Variants in TMEM45A observed in about 807,000 individuals in gnomAD.
TMEM45A encodes the protein DNA polymerase-transactivated protein 4.
TMEM45A carries 25 observed loss-of-function variants against 32.0 expected under a neutral mutation model. The ratio of observed to expected loss-of-function variants is 0.78; its 90% CI spans 0.57 to 1.09. The LOEUF is 1.09. TMEM45A is among the 50% of genes least tolerant of loss of function. TMEM45A has a pLI of 0.00. For missense variants in TMEM45A, 302 were observed against 325.0 expected, an observed-to-expected ratio of 0.93 and a Z score of 0.54; for synonymous variants, 122 against 114.8, an observed-to-expected ratio of 1.06 and a Z score of -0.40.
chr3:100,539,443 G>GCA (rs1369452665), intron 1 of TMEM45A, among the ~76,000 whole-genome samples: 8,595 of 97,716 alleles, frequency 0.088, 980 homozygotes, highest in African/African-American at 0.28. Context: ...ATATGTATAT[G>GCA]TATATGTATA....
intron 1 of TMEM45A, among the ~76,000 whole-genome samples, chr3:100,539,462 T>TATATGCATATGC (rs1553682684): frequency 9.4e-6 from 1 of 106,334 alleles, no homozygotes. Flanking sequence ...TATGTATATG[T>TATATGCATATGC]ATATGTATAT....
intron 1 of TMEM45A, among the ~76,000 whole-genome samples, chr3:100,496,527 G>A (rs1416656181): frequency 6.6e-6 from 1 of 152,216 alleles, no homozygotes; most frequent in Non-Finnish European, 1.5e-5. Flanking sequence ...GCTGCTCTTC[G>A]TGTTTGTGGT....
intron 5 of TMEM45A, chr3:100,572,999 T>C (rs1706601673): frequency 6.6e-6 from 1 of 151,860 alleles, no homozygotes; most frequent in African/African-American, 2.4e-5. Flanking sequence ...TTTTGGTGAC[T>C]GTAGCCTTGT....
At chr3:100,564,092 T>C (rs1036100308) in intron 4 of TMEM45A, among the ~76,000 whole-genome samples, 4 of 152,224 alleles carry the variant, frequency 2.6e-5, no homozygotes, top group African/African-American at 9.6e-5. Flanking sequence ...TTAATTTTCC[T>C]GTTTCTAAAA....
rs775367951 is a variant in TMEM45A at position 100,576,925 on chromosome 3, G to T, written c.735G>T (p.Trp245Cys). 5.6e-6 allele frequency: 9 copies of T among 1,609,920 alleles called. No homozygotes were observed. The highest frequency in any genetic ancestry group is 1.6e-4 in the Middle Eastern group (1 of 6,066). ...TTGAGATGCTTTTCTTTCTCCTCAG[G>T]TTGGTTAAATCTAGACTTAAGAGGC... is the stretch of plus-strand genomic sequence containing the variant. ...IVGMNYAFIT[W>C]LVKSRLKRLC... The change falls in exon 6 of 6, where the codon TGG becomes TGT. Residue 245 changes from tryptophan to cysteine, a missense_variant and splice_region_variant. Transcript: ENST00000323523.
intron 1 of TMEM45A, among the ~76,000 whole-genome samples, chr3:100,505,392 A>G (rs1174007922): frequency 3.3e-5 from 5 of 150,090 alleles, no homozygotes; most frequent in African/African-American, 4.9e-5. Flanking sequence ...TATTCCAATG[A>G]TTTTTGGACT....
At position 100,575,202 on chromosome 3, in the gene TMEM45A, C is replaced by G. The variant is rs1329677870; in HGVS notation, c.735-1723C>G. 2.0e-5 allele frequency among the ~76,000 whole-genome samples: 3 copies of G among 152,002 alleles called. No homozygotes were observed. The East Asian group carries it at 5.8e-4, about 29-fold the overall frequency. ...TGTTGATATGGTCACAGCACAATGC[C>G]TTTATAATAATGATGCACAGGAAAA... On this transcript the variant is annotated intron_variant, in intron 5 of 5. Coordinates refer to ENST00000323523, the MANE Select transcript of TMEM45A (RefSeq NM_018004.3).
intron 1 of TMEM45A, among the ~76,000 whole-genome samples, chr3:100,549,551 G>A (rs1275422516): frequency 6.6e-6 from 1 of 152,206 alleles, no homozygotes; most frequent in Non-Finnish European, 1.5e-5. Context: ...GGACAGGGAG[G>A]CTGGAGGTTC....
At chr3:100,512,850 T>C (rs2148938461) in intron 1 of TMEM45A, among the ~76,000 whole-genome samples, 1 of 152,166 alleles carries the variant, frequency 6.6e-6, no homozygotes, top group East Asian at 1.9e-4. Context: ...CAAACACCTC[T>C]ACACAAATAA....
chr3:100,494,352 G>C (rs565163171), intron 1 of TMEM45A, among the ~76,000 whole-genome samples: 1 of 152,166 alleles, frequency 6.6e-6, no homozygotes, highest in Non-Finnish European at 1.5e-5. Context: ...GCCTGGGCGC[G>C]GTGGCTCACG....
intron 3 of TMEM45A, among the ~76,000 whole-genome samples, chr3:100,557,842 T>G (rs375225920): frequency 2.2e-4 from 33 of 152,320 alleles, no homozygotes; most frequent in African/African-American, 7.0e-4. Context: ...GATGAAGAAA[T>G]GCAGTTATTT....
At chr3:100,512,788 G>C (rs1307830626) in intron 1 of TMEM45A, among the ~76,000 whole-genome samples, 1 of 150,734 alleles carries the variant, frequency 6.6e-6, no homozygotes, top group Non-Finnish European at 1.5e-5. Context: ...AATGATAAAG[G>C]GGATATCACC....
At chr3:100,509,707 C>T (rs562109703) in intron 1 of TMEM45A, among the ~76,000 whole-genome samples, 8 of 152,216 alleles carry the variant, frequency 5.3e-5, no homozygotes, top group South Asian at 2.1e-4. Flanking sequence ...TCTGAGGTAC[C>T]GGGTTCATCT....
intron 1 of TMEM45A, among the ~76,000 whole-genome samples, chr3:100,501,828 T>C (rs1708011622): frequency 6.6e-6 from 1 of 152,230 alleles, no homozygotes; most frequent in Non-Finnish European, 1.5e-5. Flanking sequence ...TTTTCTGACA[T>C]GAGTCAACAA....
rs371585249 is a variant in TMEM45A, at chr3:100,558,260, G to T, written c.404-145G>T. The T allele has an allele frequency of 1.6e-5, 14 of 853,146 alleles. No homozygotes were observed. The East Asian group carries it at 3.4e-4, about 21-fold the overall frequency. The allele number at this position is 853,146 out of a possible 1,614,324, so 52.8% of individuals were successfully genotyped here. A position where few individuals can be genotyped will look rare whatever the true frequency, so the allele number is the denominator to read the frequency against. ...ATGAGGTGGTGATGTCTCCAAAAAT[G>T]CAGTACTGTGGGAATCAGTGGGCGC... On this transcript the variant is annotated intron_variant, in intron 3 of 5. Coordinates refer to ENST00000323523, the MANE Select transcript of TMEM45A (RefSeq NM_018004.3).
intron 1 of TMEM45A, among the ~76,000 whole-genome samples, chr3:100,513,827 C>T (rs954524243): frequency 1.3e-5 from 2 of 152,044 alleles, no homozygotes; most frequent in Non-Finnish European, 2.9e-5. Context: ...TCTTATACAC[C>T]AATAACAGAC....
intron 1 of TMEM45A, among the ~76,000 whole-genome samples, chr3:100,507,609 T>C (rs1018385242): frequency 8.0e-5 from 12 of 149,354 alleles, no homozygotes; most frequent in Non-Finnish European, 1.6e-4. Context: ...CCAATGGCTA[T>C]TGTACCATGG....
At position 100,541,213 on chromosome 3, in the gene TMEM45A, A is replaced by C. The variant is rs1249786580; in HGVS notation, c.-3-13996A>C. 3.3e-5 allele frequency among the ~76,000 whole-genome samples: 5 copies of C among 152,126 alleles called. No homozygotes were observed. In the East Asian group the frequency reaches 9.7e-4, roughly 29 times the overall value. On this transcript the variant is annotated intron_variant, in intron 1 of 5. Coordinates refer to ENST00000323523, the MANE Select transcript of TMEM45A (RefSeq NM_018004.3). Reference sequence around the variant, plus strand: ...ATTCGATTGTTTAAGTTCCTTGTAGATTCTGGGTGTTAGACCTTTGTTGAC... The same window carrying C: ...ATTCGATTGTTTAAGTTCCTTGTAGCTTCTGGGTGTTAGACCTTTGTTGAC...
chr3:100,511,828 T>C (rs544023385), intron 1 of TMEM45A, among the ~76,000 whole-genome samples: 27 of 152,160 alleles, frequency 1.8e-4, no homozygotes, highest in South Asian at 4.1e-4. Flanking sequence ...GCAATTCTCC[T>C]CTCTGATAAA....
Sources: allele counts gnomAD v4.1 joint callset (sites outside exome capture counted in the v4.1 genomes callset), GRCh38; gene constraint gnomAD v4.1.1; transcripts MANE v1.5; gene names NCBI Gene and HGNC (gene_info 2026-07-23, HGNC 2026-07-21).